The following ASXL2 variants were observed in gnomAD, a reference collection of about 807,000 sequenced individuals.
ASXL2 encodes ASXL transcriptional regulator 2.
ASXL2 carries 23 observed loss-of-function variants against 122.0 expected under a neutral mutation model. The observed-to-expected ratio is 0.19, with a 90% confidence interval of 0.14 to 0.27. The LOEUF (loss-of-function observed/expected upper bound fraction) is 0.27. Among genes scored for constraint, ASXL2 ranks in the 10% least tolerant of loss-of-function variants. ASXL2 has a pLI of 1.00. For synonymous variants in ASXL2, 650 were observed against 637.0 expected, an observed-to-expected ratio of 1.02 and a Z score of -0.31; for missense variants, 1,518 against 1,713.8, an observed-to-expected ratio of 0.89 and a Z score of 2.02.
chr2:25,815,682 A>G (rs1233208258), intron 3 of ASXL2, among the ~76,000 whole-genome samples: 1 of 152,208 alleles, frequency 6.6e-6, no homozygotes, highest in Non-Finnish European at 1.5e-5. Flanking sequence ...ATGATGGATG[A>G]GCCTACTGAG....
At chr2:25,779,084 ATTTTTTTT>A (rs33911748) in intron 5 of ASXL2, among the ~76,000 whole-genome samples, 2 of 99,412 alleles carry the variant, frequency 2.0e-5, no homozygotes, top group East Asian at 2.7e-4. Context: ...CTTTTTTCTG[ATTTTTTTT>A]TTTTTTTTTT....
Position 25,759,499 on chromosome 2 carries a change from G to A in ASXL2, c.922C>T (p.Pro308Ser), listed in dbSNP as rs2149146343. 2 of 1,613,858 alleles carry A rather than the reference G, an allele frequency of 1.2e-6. No homozygotes were observed. The highest frequency in any genetic ancestry group is 1.7e-6 in the Non-Finnish European group (2 of 1,179,816). ...DCQQRLLLLL[P>S]EVDRQVGPDG... is the part of the protein sequence containing the mutation. The stretch of plus-strand genomic sequence containing the variant: ...TGACGCACCTGTCGATCTACCTCTG[G>A]GAGTAGTAAAAGCAGTCGTTGCTGG... Residue 308 changes from proline (P) to serine (S), a missense_variant, in exon 9 of 13, where the codon CCA (proline) becomes TCA (serine). By Grantham distance (74) the Pro-to-Ser change is moderately conservative (BLOSUM62 -1). Coordinates refer to ENST00000435504, the MANE Select transcript of ASXL2 (RefSeq NM_018263.6).
At chr2:25,806,417 AAAATT>A in intron 3 of ASXL2, 80 bp from the exon 4 acceptor site, 8 of 911,616 alleles carry the variant, frequency 8.8e-6, no homozygotes, top group Non-Finnish European at 1.4e-5. Context: ...CACTCAAAAT[AAAATT>A]AATTAGTCAA....
rs749256084 is a variant in ASXL2, at chr2:25,743,911, G to A, written c.2426C>T (p.Thr809Ile). The part of the protein sequence containing the change: ...EKLDNEKLNP[T>I]RATATVASVS... ...AGAGGCCACTGTGGCTGTTGCTCTG[G>A]TGGGGTTCAGTTTTTCATTATCCAA... The change falls in exon 13 of 13, where the codon ACC becomes ATC. Residue 809 changes from threonine (T) to isoleucine (I), a missense_variant. Around this residue, in one of 8 missense-constraint regions of ASXL2, gnomAD observed 831 missense variants for 833.1 expected, o/e 1.00. Coordinates refer to ENST00000435504, the MANE Select transcript of ASXL2 (RefSeq NM_018263.6). 1.2e-6 allele frequency: 2 copies of A among 1,614,000 alleles called. No homozygotes were observed. The highest frequency in any genetic ancestry group is 1.7e-6 in the Non-Finnish European group (2 of 1,179,894).
At chr2:25,762,809 T>C (rs575178574) in intron 8 of ASXL2, among the ~76,000 whole-genome samples, 21 of 152,062 alleles carry the variant, frequency 1.4e-4, no homozygotes, top group African/African-American at 4.6e-4. Context: ...GAGCCTGTCA[T>C]TGGGTTGAAA....
intron 2 of ASXL2, among the ~76,000 whole-genome samples, chr2:25,837,731 T>A (rs1465115641): frequency 2.0e-5 from 3 of 151,862 alleles, no homozygotes; most frequent in Non-Finnish European, 4.4e-5. Flanking sequence ...GTGCCTGTGG[T>A]TCCAGCTACT....
intron 5 of ASXL2, among the ~76,000 whole-genome samples, chr2:25,793,879 G>A (rs1444482770): frequency 6.6e-6 from 1 of 152,062 alleles, no homozygotes. Flanking sequence ...CTTGCTTCTG[G>A]GTAGTCTAAC....
chr2:25,878,102 G>A (rs1574460318), intron 1 of ASXL2, 64 bp downstream of exon 1: 3 of 1,597,516 alleles, frequency 1.9e-6, no homozygotes, highest in Admixed American at 3.3e-5. Context: ...CCCTTTCCCT[G>A]CGACTGGCGG....
chr2:25,816,075 G>A (rs1053852629), intron 3 of ASXL2, among the ~76,000 whole-genome samples: 4 of 152,042 alleles, frequency 2.6e-5, no homozygotes, highest in African/African-American at 9.7e-5. Flanking sequence ...CAGATACTCA[G>A]AAACATCTAA....
intron 3 of ASXL2, among the ~76,000 whole-genome samples, chr2:25,828,951 T>G (rs1413593700): frequency 6.6e-6 from 1 of 152,168 alleles, no homozygotes; most frequent in African/African-American, 2.4e-5. Flanking sequence ...ATGTAATTTT[T>G]CACTGATTTT....
At chr2:25,846,716 C>T (rs1574445988) in intron 1 of ASXL2, among the ~76,000 whole-genome samples, 3 of 151,972 alleles carry the variant, frequency 2.0e-5, no homozygotes, top group Middle Eastern at 6.8e-3. Context: ...CTCGGGAGGC[C>T]GAGATGTGAG....
intron 1 of ASXL2, among the ~76,000 whole-genome samples, chr2:25,873,482 C>A (rs1317884870): frequency 1.3e-5 from 2 of 152,018 alleles, no homozygotes; most frequent in Non-Finnish European, 2.9e-5. Flanking sequence ...TAGAAATTTT[C>A]TATCTTCCAC....
chr2:25,744,935 CCACACACACACACACACACACA>C lies in ASXL2; in HGVS notation c.1861-481_1861-460del, dbSNP rs10579555. Among the ~76,000 whole-genome samples, 539 of 138,340 alleles carry C rather than the reference CCACACACACACACACACACACA, an allele frequency of 3.9e-3. 4 individuals carry two copies. The highest frequency in any genetic ancestry group is 0.013 in the African/African-American group (484 of 36,814). The allele number at this position is 138,340 out of a possible 152,430, so 90.8% of individuals were successfully genotyped here. A position where few individuals can be genotyped will look rare whatever the true frequency, so the allele number is the denominator to read the frequency against. ...GGGAAAATACTTGCTCTTCTCTGTTCCACACACACACACACACACACACACACACACACACACACACACACTT... is the reference window on the plus strand; with the variant it reads ...GGGAAAATACTTGCTCTTCTCTGTTCCACACACACACACACACACACACTT... On this transcript the variant is annotated intron_variant, in intron 12 of 12. Coordinates refer to ENST00000435504, the MANE Select transcript of ASXL2 (RefSeq NM_018263.6). This position sits in a 1 kb window ranked among gnomAD's most constrained non-coding sequence, Gnocchi z 4.7.
At chr2:25,768,521 C>A (rs1313027779) in intron 7 of ASXL2, among the ~76,000 whole-genome samples, 1 of 152,126 alleles carries the variant, frequency 6.6e-6, no homozygotes, top group Non-Finnish European at 1.5e-5. Flanking sequence ...CCAGGCTGGT[C>A]TTGAACTCCT....
intron 5 of ASXL2, among the ~76,000 whole-genome samples, chr2:25,772,624 AGGAGGCTGAG>A (rs2088474511): frequency 1.3e-5 from 2 of 149,570 alleles, no homozygotes; most frequent in Admixed American, 1.4e-4. Flanking sequence ...CCAGCTACTC[AGGAGGCTGAG>A]GGAAGAGAAT....
intron 4 of ASXL2, among the ~76,000 whole-genome samples, chr2:25,799,877 G>A (rs2088968953): frequency 6.6e-6 from 1 of 151,308 alleles, no homozygotes; most frequent in Non-Finnish European, 1.5e-5. Context: ...GGGCGTGGTG[G>A]TTCACACCTG....
chr2:25,784,285 A>C (rs2088700878), intron 5 of ASXL2, among the ~76,000 whole-genome samples: 1 of 152,088 alleles, frequency 6.6e-6, no homozygotes, highest in African/African-American at 2.4e-5. Flanking sequence ...AGTAGGTGGC[A>C]CCAAACCCTT....
In ASXL2 at chr2:25,737,305, C is replaced by T. The variant is rs1328983045; in HGVS notation, c.*4724G>A. On this transcript the variant is annotated 3_prime_UTR_variant, in exon 13 of 13. Coordinates refer to ENST00000435504, the MANE Select transcript of ASXL2 (RefSeq NM_018263.6). ...AAGTGGTGGCAGTAAATGTCAACCA[C>T]TGTGGAGAAAGGAAAACCTATTTTT... The T allele has an allele frequency of 6.6e-6, 1 of 152,080 alleles. No homozygotes were observed. The highest frequency in any genetic ancestry group is 1.5e-5 in the Non-Finnish European group (1 of 68,012). The allele number at this position is 152,080 out of a possible 1,614,324, so 9.4% of individuals were successfully genotyped here.
chr2:25,767,076 T>C (rs2088366319), intron 8 of ASXL2, among the ~76,000 whole-genome samples: 1 of 152,248 alleles, frequency 6.6e-6, no homozygotes, highest in African/African-American at 2.4e-5. Context: ...GTCTCCTTGT[T>C]TTCTTCACCT....
Sources: allele counts gnomAD v4.1 joint callset (sites outside exome capture counted in the v4.1 genomes callset), GRCh38; gene constraint gnomAD v4.1.1; regional missense constraint gnomAD v4.1.1; non-coding constraint Gnocchi (gnomAD v3.1); transcripts MANE v1.5; gene names NCBI Gene and HGNC (gene_info 2026-07-23, HGNC 2026-07-21).